Variants in PEDS1 observed in about 807,000 individuals in gnomAD.
PEDS1 encodes the protein CarF homolog.
PEDS1 carries 14 observed loss-of-function variants against 35.2 expected under a neutral mutation model. The observed-to-expected ratio is 0.40, with a 90% CI of 0.26 to 0.62. The LOEUF (loss-of-function observed/expected upper bound fraction) is 0.62, where lower values mean the gene tolerates loss of function less well. Among genes scored for constraint, PEDS1 ranks in the 20% least tolerant of loss-of-function variants. The pLI, the probability that PEDS1 is intolerant of heterozygous loss-of-function variation, is 0.44. For synonymous variants in PEDS1, 152 were observed against 152.0 expected (o/e 1.00, Z 0.00); for missense variants, 260 against 367.8 (o/e 0.71, Z 2.40).
intron 1 of PEDS1, among the ~76,000 whole-genome samples, chr20:50,151,964 C>A (rs547997270): frequency 6.6e-6 from 1 of 152,174 alleles, no homozygotes; most frequent in African/African-American, 2.4e-5. Context: ...CTTCCTAACA[C>A]GAAGGGGCAG....
intron 1 of PEDS1, among the ~76,000 whole-genome samples, chr20:50,149,067 C>T (rs1034487877): frequency 4.6e-5 from 7 of 152,100 alleles, no homozygotes; most frequent in African/African-American, 1.7e-4. Context: ...GAGCTGCAAT[C>T]GCTCCATCAC....
In PEDS1 at chr20:50,129,819, C is replaced by T; in HGVS notation, c.334-129G>A. 2 of 1,430,658 alleles carry T rather than the reference C, an allele frequency of 1.4e-6. No homozygotes were observed. Among genetic ancestry groups the T allele is most frequent in the Non-Finnish European group, 1.9e-6 (2 of 1,075,048 alleles). The allele number at this position is 1,430,658 out of a possible 1,614,324, so 88.6% of individuals were successfully genotyped here. A position where few individuals can be genotyped will look rare whatever the true frequency, so the allele number is the denominator to read the frequency against. ...TCCTAAGTTTCCTCCACCCGGGATGCTTGAACATTCCCACCTGGCCCACTG... is the reference window on the plus strand; with the variant it reads ...TCCTAAGTTTCCTCCACCCGGGATGTTTGAACATTCCCACCTGGCCCACTG... On this transcript the variant is annotated intron_variant, in intron 3 of 5. Coordinates refer to ENST00000371652, the MANE Select transcript of PEDS1 (RefSeq NM_199129.4). This position sits in a 1 kb window ranked among gnomAD's most constrained non-coding sequence, Gnocchi z 4.2.
chr20:50,123,641 C>T lies in PEDS1; in HGVS notation c.*1417G>A, dbSNP rs1350393655. 2.0e-5 allele frequency: 3 copies of T among 152,306 alleles called. No homozygotes were observed. The highest frequency in any genetic ancestry group is 6.6e-5 in the Admixed American group (1 of 15,264). The allele number at this position is 152,306 out of a possible 1,614,324, so 9.4% of individuals were successfully genotyped here. A position where few individuals can be genotyped will look rare whatever the true frequency, so the allele number is the denominator to read the frequency against. ...GCCTCTTCCCTCACTTCTTTCGTGT[C>T]TGACCTCCTCTCCTCCCCCAGGTCT... On this transcript the variant is annotated 3_prime_UTR_variant, in exon 6 of 6. Transcript: ENST00000371652.
At chr20:50,140,430 G>T (rs1161300753) in intron 2 of PEDS1, among the ~76,000 whole-genome samples, 1 of 152,218 alleles carries the variant, frequency 6.6e-6, no homozygotes, top group Non-Finnish European at 1.5e-5. Context: ...CACAACATCT[G>T]CTTCCAGTGC....
At chr20:50,140,516 C>A (rs998734396) in intron 2 of PEDS1, among the ~76,000 whole-genome samples, 1 of 152,242 alleles carries the variant, frequency 6.6e-6, no homozygotes, top group Non-Finnish European at 1.5e-5. Flanking sequence ...CCCAAACACA[C>A]GAGGCACGTG....
intron 2 of PEDS1, among the ~76,000 whole-genome samples, chr20:50,134,541 C>G (rs191255657): frequency 1.3e-5 from 2 of 152,294 alleles, no homozygotes; most frequent in African/African-American, 4.8e-5. Context: ...GAGCAAAACT[C>G]TGTCTCAAAA....
At chr20:50,139,545 G>A (rs1202587761) in intron 2 of PEDS1, among the ~76,000 whole-genome samples, 3 of 150,956 alleles carry the variant, frequency 2.0e-5, no homozygotes, top group East Asian at 1.9e-4. Context: ...CCCTGGCAGC[G>A]CCATCCCAGC....
chr20:50,137,764 G>A (rs1020366162), intron 2 of PEDS1, among the ~76,000 whole-genome samples: 2 of 152,162 alleles, frequency 1.3e-5, no homozygotes, highest in African/African-American at 2.4e-5. Context: ...CCAGCTACTC[G>A]GGAGGCTGAG....
intron 2 of PEDS1, among the ~76,000 whole-genome samples, chr20:50,138,054 A>C (rs1173323243): frequency 6.6e-6 from 1 of 152,214 alleles, no homozygotes; most frequent in African/African-American, 2.4e-5. Context: ...CACTGTAACA[A>C]ATGTGCCCCG....
At chr20:50,132,629 C>T (rs1352801649) in intron 2 of PEDS1, among the ~76,000 whole-genome samples, 2 of 152,182 alleles carry the variant, frequency 1.3e-5, no homozygotes, top group African/African-American at 4.8e-5. Context: ...CACTCGGCAC[C>T]TCTGACTGCT....
chr20:50,131,174 C>A (rs2081175221), intron 2 of PEDS1: 8 of 1,069,320 alleles, frequency 7.5e-6, no homozygotes, highest in South Asian at 1.4e-5. Flanking sequence ...CTTGGAGAGT[C>A]TGGAGAGCAT....
intron 2 of PEDS1, among the ~76,000 whole-genome samples, chr20:50,138,210 C>T (rs529022628): frequency 6.6e-6 from 1 of 152,178 alleles, no homozygotes; most frequent in Non-Finnish European, 1.5e-5. Context: ...TGGACAATCT[C>T]ACTTCATGTC....
chr20:50,127,532 G>T (rs1261578834), intron 5 of PEDS1, among the ~76,000 whole-genome samples: 2 of 152,010 alleles, frequency 1.3e-5, no homozygotes, highest in African/African-American at 4.8e-5. Context: ...TTTTAGTAGA[G>T]ATGGGGTTTC....
At chr20:50,125,201 G>A (rs2081086921) in intron 5 of PEDS1, 22 bp from the exon 6 acceptor site, 1 of 1,612,506 alleles carries the variant, frequency 6.2e-7, no homozygotes, top group African/African-American at 1.3e-5. Context: ...ATGGCAGCGG[G>A]AGTTTGAATG....
At chr20:50,135,240 G>A (rs2081221561) in intron 2 of PEDS1, among the ~76,000 whole-genome samples, 1 of 152,114 alleles carries the variant, frequency 6.6e-6, no homozygotes, top group African/African-American at 2.4e-5. Context: ...GCAGGCCAAG[G>A]CAGTCTCCAC....
chr20:50,148,578 G>A (rs2081369669), intron 1 of PEDS1, among the ~76,000 whole-genome samples: 1 of 152,208 alleles, frequency 6.6e-6, no homozygotes, highest in Non-Finnish European at 1.5e-5. Flanking sequence ...CTGGGGTCAT[G>A]CCTTTGTCAT....
intron 2 of PEDS1, among the ~76,000 whole-genome samples, chr20:50,142,379 G>A (rs1393928330): frequency 6.6e-6 from 1 of 152,130 alleles, no homozygotes; most frequent in East Asian, 1.9e-4. Context: ...AGAGATAGAT[G>A]ATAAACAAAT....
At chr20:50,143,710 T>C (rs2081318759) in intron 1 of PEDS1, 89 bp from the exon 2 acceptor site, 1 of 1,526,796 alleles carries the variant, frequency 6.5e-7, no homozygotes, top group African/African-American at 1.4e-5. Context: ...TCTTTTTTTT[T>C]TTTCTGAGAC....
intron 1 of PEDS1, among the ~76,000 whole-genome samples, chr20:50,152,484 T>C (rs2081414682): frequency 6.6e-6 from 1 of 152,132 alleles, no homozygotes; most frequent in African/African-American, 2.4e-5. Flanking sequence ...CTTCCTTAAC[T>C]CCTGGGGATA....
Sources: gnomAD v4.1 joint callset for allele counts (sites outside exome capture counted in the v4.1 genomes callset) on GRCh38, gnomAD v4.1.1 for gene constraint, Gnocchi (gnomAD v3.1) non-coding constraint, MANE v1.5 for transcripts, NCBI Gene and HGNC (gene_info 2026-07-23, HGNC 2026-07-21) for gene names.